Variants in ZNF571 observed in about 807,000 individuals in gnomAD.
ZNF571 encodes the protein zinc finger protein 571.
ZNF571 carries 4 observed loss-of-function variants against 7.7 expected under a neutral mutation model. That is an observed-to-expected ratio of 0.52 (90% CI 0.25 to 1.18). The LOEUF is 1.18. Among genes scored for constraint, ZNF571 ranks in the 50% most tolerant of loss-of-function variants. The pLI is 0.14. For synonymous variants in ZNF571, 251 were observed against 232.4 expected (o/e 1.08, Z -0.73); for missense variants, 704 against 726.9 (o/e 0.97, Z 0.36).
At chr19:37,588,246 T>A (rs1000367235) in intron 1 of ZNF571, among the ~76,000 whole-genome samples, 1 of 151,844 alleles carries the variant, frequency 6.6e-6, no homozygotes. Flanking sequence ...AGTACAAGTA[T>A]GAAAGCAGAT....
chr19:37,583,054 C>T (rs2043529407), intron 3 of ZNF571, among the ~76,000 whole-genome samples: 1 of 152,204 alleles, frequency 6.6e-6, no homozygotes, highest in Non-Finnish European at 1.5e-5. Context: ...TTTCCACTTT[C>T]AGTAGCCACA....
At position 37,565,097 on chromosome 19, in the gene ZNF571, T is replaced by C; in HGVS notation, c.1331A>G (p.Glu444Gly). Residue 444 changes from glutamate (E) to glycine (G), a missense_variant, in exon 4 of 4, where the codon GAG becomes GGG. Transcript: ENST00000451802. ...ACATTCCTTACATTCAAAGGGTTTC[T>C]CACCTGTATGAATTCTCTGATGTTC... The part of the protein sequence containing the change: ...LSEHQRIHTG[E>G]KPFECKECGK... 2 of 1,613,472 alleles carry C rather than the reference T, an allele frequency of 1.2e-6. No homozygotes were observed. Among genetic ancestry groups the C allele is most frequent in the Non-Finnish European group, 1.7e-6 (2 of 1,179,502 alleles).
intron 3 of ZNF571, among the ~76,000 whole-genome samples, chr19:37,583,327 ATAAAAGCATTGTCCC>A (rs1038246330): frequency 6.6e-6 from 1 of 152,258 alleles, no homozygotes; most frequent in Admixed American, 6.5e-5. Flanking sequence ...CAAAAAATAG[ATAAAAGCATTGTCCC>A]CAAAAGAGAT....
intron 3 of ZNF571, among the ~76,000 whole-genome samples, chr19:37,580,874 G>A (rs926512481): frequency 2.6e-5 from 4 of 152,138 alleles, no homozygotes; most frequent in Non-Finnish European, 5.9e-5. Flanking sequence ...CCTCTTGTCT[G>A]TATAAATTAC....
At chr19:37,580,626 C>T (rs550766896) in intron 3 of ZNF571, among the ~76,000 whole-genome samples, 2 of 152,230 alleles carry the variant, frequency 1.3e-5, no homozygotes, top group East Asian at 1.9e-4. Context: ...GGCTGGTCCC[C>T]GAGAACAGAT....
Position 37,566,065 on chromosome 19 carries a change from A to G in ZNF571, c.363T>C (p.Ser121=). Residue 121 remains serine (S), a synonymous_variant, in exon 4 of 4, where the codon AGT becomes AGC. Coordinates refer to ENST00000451802, the MANE Select transcript of ZNF571 (RefSeq NM_016536.5). The stretch of plus-strand genomic sequence containing the variant: ...GATGAAAAGTAGAAGAGGTTGAATG[A>G]CTTTCAGTGGCCTTTTCTTCACAGG... The part of the protein sequence containing the change: ...KITCEEKATE[S]HSTSSTFHRI... 6.2e-7 allele frequency: 1 copy of G among 1,614,100 alleles called. No homozygotes were observed. Among genetic ancestry groups the G allele is most frequent in the Non-Finnish European group, 8.5e-7 (1 of 1,179,958 alleles).
intron 1 of ZNF571, 38 bp downstream of exon 1, chr19:37,594,703 A>G (rs1197179277): frequency 3.3e-5 from 5 of 152,260 alleles, no homozygotes; most frequent in Admixed American, 3.3e-4. Flanking sequence ...AAGCAACCCA[A>G]AAGCTGCGAG....
At chr19:37,574,487 C>T (rs2043177846) in intron 3 of ZNF571, among the ~76,000 whole-genome samples, 1 of 152,168 alleles carries the variant, frequency 6.6e-6, no homozygotes, top group East Asian at 1.9e-4. Flanking sequence ...TGCCACTCTA[C>T]CTAAAACTCT....
Position 37,569,117 on chromosome 19 carries a change from T to A in ZNF571, c.137-2826A>T, listed in dbSNP as rs554480333. Among the ~76,000 whole-genome samples the A allele has an allele frequency of 1.3e-5, 2 of 152,172 alleles. No individual in the cohort carries two copies. The highest frequency in any genetic ancestry group is 1.3e-4 in the Admixed American group (2 of 15,272). On this transcript the variant is annotated intron_variant, in intron 3 of 3. Transcript: ENST00000451802. This position sits in a 1 kb window ranked among gnomAD's most constrained non-coding sequence, Gnocchi z 4.4. The stretch of plus-strand genomic sequence containing the variant: ...ACAGGTGTGCACCACCATGCCTGGC[T>A]CATTTTTGTATTTTTAGTAGAGATA...
At chr19:37,589,684 C>A (rs1403927073) in intron 1 of ZNF571, among the ~76,000 whole-genome samples, 1 of 151,576 alleles carries the variant, frequency 6.6e-6, no homozygotes, top group East Asian at 1.9e-4. Flanking sequence ...GGCCAATGAA[C>A]TGAAGCAGTA....
Position 37,565,119 on chromosome 19 carries a change from G to A in ZNF571, c.1309C>T (p.His437Tyr). 2.5e-6 allele frequency: 4 copies of A among 1,613,198 alleles called. No individual in the cohort carries two copies. The highest frequency in any genetic ancestry group is 3.4e-6 in the Non-Finnish European group (4 of 1,179,448). ...TTCTCACCTGTATGAATTCTCTGAT[G>A]TTCACTAAGTTGTTTGCCACAAATA... ...AFICGKQLSE[H>Y]QRIHTGEKPF... The change falls in exon 4 of 4, where the codon CAT becomes TAT. Residue 437 changes from histidine (H) to tyrosine (Y), a missense_variant. Coordinates refer to ENST00000451802, the MANE Select transcript of ZNF571 (RefSeq NM_016536.5).
At chr19:37,579,295 G>A (rs540754236) in intron 3 of ZNF571, among the ~76,000 whole-genome samples, 100 of 152,270 alleles carry the variant, frequency 6.6e-4, no homozygotes, top group Non-Finnish European at 1.2e-3. Flanking sequence ...AGGGGCCTGG[G>A]GGGAACTGGG....
intron 2 of ZNF571, chr19:37,586,428 A>G: frequency 1.8e-6 from 1 of 558,672 alleles, no homozygotes; most frequent in Non-Finnish European, 3.2e-6. Context: ...TCTGGGCAGA[A>G]GACTATGCCT....
chr19:37,585,031 T>A (rs1185109450), intron 2 of ZNF571: 2 of 152,190 alleles, frequency 1.3e-5, no homozygotes, highest in Non-Finnish European at 2.9e-5. Flanking sequence ...TCTATAATTC[T>A]TGAGAGTATG....
intron 1 of ZNF571, 122 bp from the exon 2 acceptor site, chr19:37,586,867 A>C: frequency 1.6e-6 from 1 of 626,740 alleles, no homozygotes; most frequent in East Asian, 2.8e-5. Flanking sequence ...TCTTCCACAA[A>C]CCCAATGGAA....
rs1416523958 is a variant in ZNF571, at chr19:37,586,678, G to GT, written c.-3dup. The GT allele has an allele frequency of 3.1e-6, 5 of 1,613,926 alleles. No individual in the cohort carries two copies. In the African/African-American group the frequency reaches 4.0e-5, roughly 13 times the overall value. ...GAAACAGCAACTCACGTGGGGCATG[G>GT]TTTTTTAGAACTGATCAATTTTCTG... On this transcript the variant is annotated 5_prime_UTR_variant, in exon 2 of 4. Transcript: ENST00000451802.
chr19:37,575,886 G>C (rs764352657), intron 3 of ZNF571: 2 of 152,188 alleles, frequency 1.3e-5, no homozygotes, highest in Non-Finnish European at 2.9e-5. Context: ...GGTGGACATA[G>C]TAAAAAACAT....
chr19:37,591,750 G>A (rs991465752), intron 1 of ZNF571, among the ~76,000 whole-genome samples: 1 of 151,982 alleles, frequency 6.6e-6, no homozygotes, highest in East Asian at 1.9e-4. Flanking sequence ...CTCCATGTTG[G>A]TCAGGCTGGC....
At chr19:37,586,054 C>T (rs117086839) in intron 2 of ZNF571, 1 of 152,196 alleles carries the variant, frequency 6.6e-6, no homozygotes, top group Admixed American at 6.5e-5. Flanking sequence ...ATGATATTAG[C>T]CCTTTCAGAC....
Sources: gnomAD v4.1 joint callset for allele counts (sites outside exome capture counted in the v4.1 genomes callset) on GRCh38, gnomAD v4.1.1 for gene constraint, Gnocchi (gnomAD v3.1) non-coding constraint, MANE v1.5 for transcripts, NCBI Gene and HGNC (gene_info 2026-07-23, HGNC 2026-07-21) for gene names.